SYN3: variants seen among roughly 807,000 people sequenced by gnomAD.
SYN3 encodes the protein synapsin III, also known as synapsin-3.
SYN3 carries 35 observed loss-of-function variants against 65.8 expected under a neutral mutation model. That is an observed-to-expected ratio of 0.53 (90% CI 0.41 to 0.70). SYN3 has a LOEUF of 0.70. SYN3 is among the 30% of genes least tolerant of loss of function. The pLI is 0.00. For missense variants in SYN3, 680 were observed against 749.0 expected (o/e 0.91, Z 1.08); for synonymous variants, 270 against 292.9 (o/e 0.92, Z 0.80).
intron 6 of SYN3, among the ~76,000 whole-genome samples, chr22:32,807,347 A>ATTATATAT (rs1491577264): frequency 1.3e-3 from 45 of 34,110 alleles, no homozygotes; most frequent in South Asian, 2.2e-3. Context: ...TATAATATAT[A>ATTATATAT]AATATATAAT....
chr22:32,786,506 G>A (rs1165053146), intron 6 of SYN3, among the ~76,000 whole-genome samples: 3 of 151,986 alleles, frequency 2.0e-5, no homozygotes, highest in African/African-American at 4.8e-5. Flanking sequence ...GGGACTACAG[G>A]TGCCCGCCAC....
chr22:32,668,479 T>C (rs933700673), intron 6 of SYN3, among the ~76,000 whole-genome samples: 10 of 151,868 alleles, frequency 6.6e-5, no homozygotes, highest in African/African-American at 2.4e-4. Context: ...CTCACTTCCC[T>C]CATTTCCCCC....
At chr22:32,729,723 C>A (rs1457719825) in intron 6 of SYN3, among the ~76,000 whole-genome samples, 1 of 152,228 alleles carries the variant, frequency 6.6e-6, no homozygotes, top group Non-Finnish European at 1.5e-5. Flanking sequence ...TCCACTTGCT[C>A]AGCAGGCATG....
intron 1 of SYN3, among the ~76,000 whole-genome samples, chr22:33,032,999 T>C (rs62234240): frequency 0.18 from 27,383 of 152,082 alleles, 2,793 homozygotes; most frequent in East Asian, 0.41. Flanking sequence ...AGGTCACCCA[T>C]GTGTGCTCAG....
At chr22:33,043,163 C>T (rs2053994400) in intron 1 of SYN3, among the ~76,000 whole-genome samples, 1 of 152,156 alleles carries the variant, frequency 6.6e-6, no homozygotes, top group South Asian at 2.1e-4. Context: ...ATAGTAAGTA[C>T]CTTATGTATG....
intron 6 of SYN3, among the ~76,000 whole-genome samples, chr22:32,711,603 C>T (rs1384309986): frequency 1.3e-5 from 2 of 152,134 alleles, no homozygotes; most frequent in Non-Finnish European, 2.9e-5. Flanking sequence ...CTCCAGATTC[C>T]TGTGCACCTG....
At chr22:32,965,134 T>C (rs1465417193) in intron 3 of SYN3, among the ~76,000 whole-genome samples, 3 of 152,190 alleles carry the variant, frequency 2.0e-5, no homozygotes, top group Non-Finnish European at 4.4e-5. Flanking sequence ...GTTCCATCAG[T>C]ACTCTGTGGG....
intron 4 of SYN3, among the ~76,000 whole-genome samples, chr22:32,910,357 C>A (rs1373558490): frequency 6.6e-6 from 1 of 152,014 alleles, no homozygotes; most frequent in East Asian, 1.9e-4. Context: ...ACCCCGTACC[C>A]CCAAAAAGCT....
At chr22:32,755,410 G>T (rs1225853317) in intron 6 of SYN3, among the ~76,000 whole-genome samples, 1 of 152,154 alleles carries the variant, frequency 6.6e-6, no homozygotes, top group Non-Finnish European at 1.5e-5. Flanking sequence ...GCATTCAAAC[G>T]TTACATGGCA....
At chr22:32,874,495 G>A (rs1030055655) in intron 4 of SYN3, among the ~76,000 whole-genome samples, 1 of 152,204 alleles carries the variant, frequency 6.6e-6, no homozygotes, top group African/African-American at 2.4e-5. Flanking sequence ...AAAAGCTGGA[G>A]GCCAGAGGTG....
intron 6 of SYN3, among the ~76,000 whole-genome samples, chr22:32,819,327 C>T (rs948856292): frequency 1.2e-4 from 19 of 152,214 alleles, no homozygotes; most frequent in African/African-American, 4.6e-4. Context: ...AAAGAGGACA[C>T]GATGCCTTGC....
At chr22:32,986,528 C>T (rs2052532294) in intron 2 of SYN3, among the ~76,000 whole-genome samples, 1 of 152,204 alleles carries the variant, frequency 6.6e-6, no homozygotes, top group Admixed American at 6.5e-5. Flanking sequence ...TGATGGGCCA[C>T]ACAGACTGCT....
At position 32,837,198 on chromosome 22, in the gene SYN3, A is replaced by G. The variant is rs981255997; in HGVS notation, c.711+27717T>C. On this transcript the variant is annotated intron_variant, in intron 6 of 13. Transcript: ENST00000358763. This position sits in a 1 kb window ranked among gnomAD's most constrained non-coding sequence, Gnocchi z 4.1. ...TCTGAGAACCGTTTGAGGGCATGGT[A>G]TTTTTCTGGGCACTGCTTCAAAGGG... 5.3e-5 allele frequency among the ~76,000 whole-genome samples: 8 copies of G among 152,148 alleles called. No homozygotes were observed. The highest frequency in any genetic ancestry group is 1.9e-4 in the African/African-American group (8 of 41,434).
chr22:32,920,897 C>T (rs949759388), intron 4 of SYN3, among the ~76,000 whole-genome samples: 2 of 152,132 alleles, frequency 1.3e-5, no homozygotes, highest in African/African-American at 4.8e-5. Context: ...GCTTTAGTGC[C>T]ATGACTTTGA....
chr22:32,826,100 C>T (rs1177049454), intron 6 of SYN3, among the ~76,000 whole-genome samples: 1 of 152,074 alleles, frequency 6.6e-6, no homozygotes, highest in African/African-American at 2.4e-5. Flanking sequence ...TTTTTCCCAA[C>T]CTTTCTTTAG....
At chr22:32,862,402 C>T (rs1236053840) in intron 6 of SYN3, 1 of 152,224 alleles carries the variant, frequency 6.6e-6, no homozygotes, top group African/African-American at 2.4e-5. Context: ...AGACCTGCCT[C>T]ATGGTGGCAA....
intron 1 of SYN3, among the ~76,000 whole-genome samples, chr22:33,028,643 A>ATGGTGATGGTGG: frequency 1.1e-5 from 1 of 93,106 alleles, no homozygotes; most frequent in Non-Finnish European, 2.1e-5. Flanking sequence ...AAGAACCATG[A>ATGGTGATGGTGG]TGGTGGTGGT....
chr22:33,014,377 A>G (rs1309987865), intron 1 of SYN3: 1 of 152,170 alleles, frequency 6.6e-6, no homozygotes, highest in Non-Finnish European at 1.5e-5. Flanking sequence ...TGATAAATTG[A>G]TTTCAATATA....
intron 1 of SYN3, among the ~76,000 whole-genome samples, chr22:33,047,706 A>G (rs566749354): frequency 3.3e-5 from 5 of 152,150 alleles, no homozygotes; most frequent in Admixed American, 3.3e-4. Context: ...GAAAGAAAAA[A>G]AAAATAATAA....
Sources: gnomAD v4.1 joint callset for allele counts (sites outside exome capture counted in the v4.1 genomes callset) on GRCh38, gnomAD v4.1.1 for gene constraint, Gnocchi (gnomAD v3.1) non-coding constraint, MANE v1.5 for transcripts, NCBI Gene and HGNC (gene_info 2026-07-23, HGNC 2026-07-21) for gene names.